Variants in ATF7IP2 observed in about 807,000 individuals in gnomAD.
ATF7IP2 encodes the protein activating transcription factor 7 interacting protein 2.
ATF7IP2 carries 42 observed loss-of-function variants against 64.2 expected under a neutral mutation model. The observed-to-expected ratio is 0.65, with a 90% CI of 0.51 to 0.85. ATF7IP2 has a LOEUF of 0.85. Ranked by LOEUF, ATF7IP2 falls within the 40% of genes least tolerant of loss-of-function variation. The pLI is 0.00. For missense variants in ATF7IP2, 933 were observed against 784.2 expected (o/e 1.19, Z -2.27); for synonymous variants, 308 against 272.8 (o/e 1.13, Z -1.27).
chr16:10,426,998 G>A (rs1249347276), intron 3 of ATF7IP2, among the ~76,000 whole-genome samples: 2 of 151,882 alleles, frequency 1.3e-5, no homozygotes, highest in African/African-American at 4.8e-5. Flanking sequence ...GAATACAGAC[G>A]TGTGCCACCA....
intron 5 of ATF7IP2, among the ~76,000 whole-genome samples, chr16:10,432,825 C>T (rs560440271): frequency 6.6e-5 from 10 of 152,090 alleles, no homozygotes; most frequent in Non-Finnish European, 1.3e-4. Flanking sequence ...TTGCACTGAG[C>T]CAAGATCGTG....
chr16:10,424,243 T>C (rs1165535605), intron 3 of ATF7IP2, among the ~76,000 whole-genome samples: 2 of 152,184 alleles, frequency 1.3e-5, no homozygotes, highest in Non-Finnish European at 2.9e-5. Flanking sequence ...GTGGGCATCA[T>C]AGCCATCACG....
At chr16:10,460,501 C>T (rs1249273839) in intron 9 of ATF7IP2, among the ~76,000 whole-genome samples, 3 of 152,142 alleles carry the variant, frequency 2.0e-5, no homozygotes, top group Non-Finnish European at 4.4e-5. Context: ...ATGAGATTGG[C>T]ATGCGCTGGA....
At chr16:10,449,335 G>A (rs1402886538) in intron 8 of ATF7IP2, 1 of 152,114 alleles carries the variant, frequency 6.6e-6, no homozygotes, top group Non-Finnish European at 1.5e-5. Flanking sequence ...AATGAATTAG[G>A]GAGGATTCCC....
In ATF7IP2 at chr16:10,482,893, T is replaced by C. The variant is rs2050288258; in HGVS notation, c.*644T>C. The C allele has an allele frequency of 6.6e-6, 1 of 152,226 alleles. No individual in the cohort carries two copies. The highest frequency in any genetic ancestry group is 1.5e-5 in the Non-Finnish European group (1 of 68,060). 9.4% of individuals were successfully genotyped at this position (152,226 alleles called of 1,614,324 possible). A position where few individuals can be genotyped will look rare whatever the true frequency, so the allele number is the denominator to read the frequency against. ...CCACCATGCCCGGCTAATTTATTTT[T>C]AGTAGAGATGAGGTTTCACCTTGTT... On this transcript the variant is annotated 3_prime_UTR_variant, in exon 14 of 14. Transcript: ENST00000562102.
chr16:10,454,049 T>C (rs1188878811), intron 8 of ATF7IP2: 1 of 151,918 alleles, frequency 6.6e-6, no homozygotes, highest in African/African-American at 2.4e-5. Context: ...TTGCAAGTTA[T>C]CTTTGTAAGG....
At chr16:10,411,551 G>A (rs976063761) in intron 1 of ATF7IP2, among the ~76,000 whole-genome samples, 4 of 151,898 alleles carry the variant, frequency 2.6e-5, no homozygotes, top group Admixed American at 2.6e-4. Flanking sequence ...TGTATTTTTA[G>A]TAGAGATGTG....
At chr16:10,476,927 G>A (rs774214668) in intron 12 of ATF7IP2, among the ~76,000 whole-genome samples, 8 of 152,078 alleles carry the variant, frequency 5.3e-5, no homozygotes, top group Non-Finnish European at 1.2e-4. Flanking sequence ...TTGATTCCAT[G>A]TCTTTGCTGT....
chr16:10,399,836 A>G (rs907386866), intron 1 of ATF7IP2, among the ~76,000 whole-genome samples: 3 of 152,028 alleles, frequency 2.0e-5, no homozygotes, highest in African/African-American at 7.2e-5. Flanking sequence ...ATATTTTTCC[A>G]TTTGTGTCAG....
Position 10,393,617 on chromosome 16 carries a change from G to A in ATF7IP2, c.-242+7495G>A, listed in dbSNP as rs75243905. ...GAGTGTTCTGAACATGTTTAAGGTA[G>A]GCTTAGGTTTTGCTATGATGCTCGG... On this transcript the variant is annotated intron_variant, in intron 1 of 13. Coordinates refer to ENST00000562102, the MANE Select transcript of ATF7IP2 (RefSeq NM_001393719.1). Among the ~76,000 whole-genome samples the A allele has an allele frequency of 2.4e-3, 372 of 152,266 alleles. 1 individual carries two copies. The highest frequency in any genetic ancestry group is 8.4e-3 in the African/African-American group (350 of 41,538).
At chr16:10,434,047 A>G (rs1383104295) in intron 6 of ATF7IP2, among the ~76,000 whole-genome samples, 1 of 151,532 alleles carries the variant, frequency 6.6e-6, no homozygotes, top group Non-Finnish European at 1.5e-5. Flanking sequence ...TGTAGATCTC[A>G]CCACAACCCA....
chr16:10,408,615 T>A (rs532777006), intron 1 of ATF7IP2, among the ~76,000 whole-genome samples: 5 of 152,362 alleles, frequency 3.3e-5, no homozygotes, highest in African/African-American at 1.2e-4. Flanking sequence ...TTCATATGTT[T>A]GTTGGCCATT....
Position 10,472,198 on chromosome 16 carries a change from A to G in ATF7IP2, c.1426+15A>G. 7.1e-7 allele frequency: 1 copy of G among 1,418,270 alleles called. No homozygotes were observed. Among genetic ancestry groups the G allele is most frequent in the Non-Finnish European group, 9.7e-7 (1 of 1,028,040 alleles). 87.9% of individuals were successfully genotyped at this position (1,418,270 alleles called of 1,614,324 possible). The stretch of plus-strand genomic sequence containing the variant: ...AAATCCAACAGGTATCTTATAGCTG[A>G]TTAGAATATGATCTATCAAGTTAGA... On this transcript the variant is annotated intron_variant, in intron 10 of 13. Coordinates refer to ENST00000562102, the MANE Select transcript of ATF7IP2 (RefSeq NM_001393719.1).
intron 1 of ATF7IP2, among the ~76,000 whole-genome samples, chr16:10,404,948 A>G (rs11645096): frequency 0.59 from 89,327 of 152,046 alleles, 26,330 homozygotes; most frequent in East Asian, 0.69. Context: ...ATCCAACTAG[A>G]TTAAGCTTCA....
intron 1 of ATF7IP2, among the ~76,000 whole-genome samples, chr16:10,410,467 G>C (rs983410307): frequency 1.3e-5 from 2 of 152,130 alleles, no homozygotes; most frequent in Non-Finnish European, 2.9e-5. Context: ...ACTGATTTGT[G>C]TATAGTAACT....
rs139544357 is a variant in ATF7IP2, at chr16:10,413,149, C to T, written c.-241-1425C>T. On this transcript the variant is annotated intron_variant, in intron 1 of 13. Transcript: ENST00000562102. ...ATGTCTTTTAAGTGGAGCATTTAGG[C>T]CATTTACATTTAATGTTAATGATAT... is the stretch of plus-strand genomic sequence containing the variant. Among the ~76,000 whole-genome samples the T allele has an allele frequency of 9.5e-4, 145 of 152,180 alleles. 1 individual carries two copies. Among genetic ancestry groups the T allele is most frequent in the African/African-American group, 3.2e-3 (134 of 41,520 alleles).
At chr16:10,401,473 T>C (rs1269225750) in intron 1 of ATF7IP2, among the ~76,000 whole-genome samples, 2 of 152,194 alleles carry the variant, frequency 1.3e-5, no homozygotes, top group East Asian at 1.9e-4. Context: ...TGGCCTGTTA[T>C]CTTTTTTATG....
chr16:10,481,345 C>G (rs1426773687), intron 13 of ATF7IP2, among the ~76,000 whole-genome samples: 3 of 151,886 alleles, frequency 2.0e-5, no homozygotes, highest in African/African-American at 7.3e-5. Context: ...AGTCCCCTGC[C>G]TCAGCCTCCC....
At chr16:10,440,192 A>G (rs1433200880) in intron 7 of ATF7IP2, among the ~76,000 whole-genome samples, 172 bp from the exon 8 acceptor site, 1 of 151,470 alleles carries the variant, frequency 6.6e-6, no homozygotes, top group Non-Finnish European at 1.5e-5. Context: ...ATATATATGT[A>G]TATGTTATAC....
Sources: allele counts gnomAD v4.1 joint callset (sites outside exome capture counted in the v4.1 genomes callset), GRCh38; gene constraint gnomAD v4.1.1; transcripts MANE v1.5; gene names NCBI Gene and HGNC (gene_info 2026-07-23, HGNC 2026-07-21).